The following RNF13 variants were observed in gnomAD, a reference collection of about 807,000 sequenced individuals.
RNF13 encodes the protein ring finger protein 13, also known as E3 ubiquitin-protein ligase RNF13.
RNF13 carries 19 observed loss-of-function variants against 37.7 expected under a neutral mutation model. The observed-to-expected ratio is 0.50, with a 90% CI of 0.35 to 0.74. The LOEUF (loss-of-function observed/expected upper bound fraction) is 0.74, where lower values mean the gene tolerates loss of function less well. Among genes scored for constraint, RNF13 ranks in the 30% least tolerant of loss-of-function variants. RNF13 has a pLI of 0.01. For missense variants in RNF13, 375 were observed against 453.0 expected (o/e 0.83, Z 1.56); for synonymous variants, 144 against 157.8 (o/e 0.91, Z 0.65).
chr3:149,866,060 T>A (rs1724787736), intron 3 of RNF13, among the ~76,000 whole-genome samples: 1 of 151,738 alleles, frequency 6.6e-6, no homozygotes, highest in African/African-American at 2.4e-5. Flanking sequence ...TTTTAGACCA[T>A]ATAGGGTAAT....
intron 1 of RNF13, among the ~76,000 whole-genome samples, chr3:149,823,685 G>T (rs567432219): frequency 6.6e-6 from 1 of 152,226 alleles, no homozygotes; most frequent in Admixed American, 6.5e-5. Flanking sequence ...TGTTAACATA[G>T]TGGTTATGAA....
At chr3:149,860,255 CT>C (rs1397137025) in intron 3 of RNF13, among the ~76,000 whole-genome samples, 1 of 15,006 alleles carries the variant, frequency 6.7e-5, no homozygotes, top group Non-Finnish European at 1.2e-4. Context: ...GAGACTCCAT[CT>C]AAAAAAAAAA....
chr3:149,918,435 C>T (rs1228772261), intron 7 of RNF13, among the ~76,000 whole-genome samples: 1 of 152,096 alleles, frequency 6.6e-6, no homozygotes, highest in Non-Finnish European at 1.5e-5. Flanking sequence ...TGTCATGACT[C>T]TCCTAATGAT....
chr3:149,813,842 G>C (rs1308421314), intron 1 of RNF13: 3 of 152,204 alleles, frequency 2.0e-5, no homozygotes, highest in African/African-American at 7.2e-5. Flanking sequence ...CCCCTGCTAG[G>C]GCCAGATACT....
At chr3:149,862,464 T>G (rs568540419) in intron 3 of RNF13, among the ~76,000 whole-genome samples, 9 of 152,136 alleles carry the variant, frequency 5.9e-5, no homozygotes, top group Non-Finnish European at 1.3e-4. Context: ...CTTTCCTATT[T>G]ATGTTATAAA....
At chr3:149,858,026 G>C (rs779390266) in intron 3 of RNF13, among the ~76,000 whole-genome samples, 6 of 152,148 alleles carry the variant, frequency 3.9e-5, no homozygotes, top group Non-Finnish European at 8.8e-5. Context: ...AACGGAATAG[G>C]TTAGTTCCCT....
At position 149,960,767 on chromosome 3, in the gene RNF13, G is replaced by GGCTA; in HGVS notation, c.810_813dup (p.Thr272AlafsTer3). ...TATCACTGCAAGTGTGTAGACCCTT[G>GGCTA]GCTAACTAAAACCAAAAAAACCTGT... On this transcript the variant is annotated frameshift_variant, in exon 10 of 10. Coordinates refer to ENST00000392894, the MANE Select transcript of RNF13 (RefSeq NM_183381.3). LOFTEE classifies it high-confidence loss of function. 6.2e-7 allele frequency: 1 copy of GGCTA among 1,613,510 alleles called. No homozygotes were observed. The highest frequency in any genetic ancestry group is 1.1e-5 in the South Asian group (1 of 91,016).
At chr3:149,932,007 A>T (rs1012775889) in intron 8 of RNF13, among the ~76,000 whole-genome samples, 1 of 151,948 alleles carries the variant, frequency 6.6e-6, no homozygotes, top group Non-Finnish European at 1.5e-5. Context: ...TGTTGCTGCA[A>T]ATAACAGGGT....
chr3:149,862,747 A>G (rs990752810), intron 3 of RNF13, among the ~76,000 whole-genome samples: 1 of 152,100 alleles, frequency 6.6e-6, no homozygotes. Context: ...TGTATATATT[A>G]TAACTAGATG....
At chr3:149,900,510 G>T (rs533796895) in intron 5 of RNF13, among the ~76,000 whole-genome samples, 5 of 152,100 alleles carry the variant, frequency 3.3e-5, no homozygotes, top group Admixed American at 1.3e-4. Context: ...GGAGTTACAG[G>T]CTGTAGTACA....
intron 3 of RNF13, among the ~76,000 whole-genome samples, 186 bp downstream of exon 3, chr3:149,852,782 A>C (rs1723231815): frequency 6.6e-6 from 1 of 152,026 alleles, no homozygotes; most frequent in South Asian, 2.1e-4. Context: ...CTAGGATTGT[A>C]TTATTCTGAA....
At chr3:149,853,552 T>A (rs74514791) in intron 3 of RNF13, among the ~76,000 whole-genome samples, 2,550 of 151,688 alleles carry the variant, frequency 0.017, 78 homozygotes, top group African/African-American at 0.058. Context: ...GTCCTTGTGC[T>A]TTGTAAGAGT....
chr3:149,943,256 A>G (rs1162202224), intron 8 of RNF13, among the ~76,000 whole-genome samples: 1 of 149,588 alleles, frequency 6.7e-6, no homozygotes, highest in Non-Finnish European at 1.5e-5. Context: ...TTTTTAGAGC[A>G]GTTTTAGGTT....
chr3:149,950,334 G>A (rs1011208028), intron 8 of RNF13, among the ~76,000 whole-genome samples: 16 of 152,250 alleles, frequency 1.1e-4, no homozygotes, highest in Admixed American at 3.3e-4. Flanking sequence ...TTGCCTTTTA[G>A]TATGCTTTGT....
At chr3:149,909,624 A>G (rs1483776181) in intron 6 of RNF13, among the ~76,000 whole-genome samples, 2 of 152,156 alleles carry the variant, frequency 1.3e-5, no homozygotes, top group East Asian at 3.9e-4. Flanking sequence ...TCCCCACAAT[A>G]TATCTTGACG....
At chr3:149,839,687 G>A (rs924086324) in intron 1 of RNF13, among the ~76,000 whole-genome samples, 9 of 152,082 alleles carry the variant, frequency 5.9e-5, no homozygotes, top group African/African-American at 2.2e-4. Flanking sequence ...ACAACACCTG[G>A]GAATTCAAGA....
chr3:149,939,842 T>TA (rs1334241494), intron 8 of RNF13: 1 of 498,374 alleles, frequency 2.0e-6, no homozygotes, highest in Non-Finnish European at 3.9e-6. Context: ...TGGACAGAGA[T>TA]AAACGACTGC....
At chr3:149,852,089 T>G (rs946765411) in intron 2 of RNF13, among the ~76,000 whole-genome samples, 3 of 152,206 alleles carry the variant, frequency 2.0e-5, no homozygotes, top group Non-Finnish European at 4.4e-5. Context: ...TGATGCTGCT[T>G]CTTTCCAAAA....
At chr3:149,955,393 G>C (rs1000014251) in intron 8 of RNF13, among the ~76,000 whole-genome samples, 2 of 151,670 alleles carry the variant, frequency 1.3e-5, no homozygotes, top group Admixed American at 1.3e-4. Flanking sequence ...TTTGCCCAGG[G>C]CTTGGAAATA....
Sources: gnomAD v4.1 joint callset for allele counts (sites outside exome capture counted in the v4.1 genomes callset) on GRCh38, gnomAD v4.1.1 for gene constraint, MANE v1.5 for transcripts, NCBI Gene and HGNC (gene_info 2026-07-23, HGNC 2026-07-21) for gene names.